Variants in MEI1 observed in about 807,000 individuals in gnomAD.
MEI1 encodes meiosis inhibitor protein 1.
MEI1 carries 103 observed loss-of-function variants against 146.2 expected under a neutral mutation model. That is an observed-to-expected ratio of 0.70 (90% CI 0.60 to 0.83). MEI1 has a LOEUF of 0.83. Among genes scored for constraint, MEI1 ranks in the 40% least tolerant of loss-of-function variants. The pLI is 0.00. For synonymous variants in MEI1, 652 were observed against 628.2 expected, an observed-to-expected ratio of 1.04 and a Z score of -0.57; for missense variants, 1,529 against 1,533.0, an observed-to-expected ratio of 1.00 and a Z score of 0.04.
In MEI1 at chr22:41,731,953, C is replaced by A. The variant is rs140624772; in HGVS notation, c.1097-292C>A. 1.1e-3 allele frequency among the ~76,000 whole-genome samples: 162 copies of A among 152,190 alleles called. 1 individual carries two copies. The highest frequency in any genetic ancestry group is 3.8e-3 in the African/African-American group (158 of 41,520). On this transcript the variant is annotated intron_variant, in intron 9 of 30. Transcript: ENST00000401548. ...TTTGACCTGATTCTCCAAGGAGGAA[C>A]AGGAGTATGCCAAGTGGAGAAAATA...
chr22:41,794,411 G>A lies in MEI1; in HGVS notation c.3468G>A (p.Leu1156=). 6.2e-7 allele frequency: 1 copy of A among 1,613,976 alleles called. No homozygotes were observed. The highest frequency in any genetic ancestry group is 8.5e-7 in the Non-Finnish European group (1 of 1,179,878). Reference sequence around the variant, plus strand: ...CCCAGCCTTGGAATCGGTTTTTGCTGTTTACCCTCTTGGATGCTGGAGAGA... The same window carrying A: ...CCCAGCCTTGGAATCGGTTTTTGCTATTTACCCTCTTGGATGCTGGAGAGA... The part of the protein sequence containing the change: ...VASQPWNRFL[L]FTLLDAGENS... The change falls in exon 28 of 31, where the codon CTG becomes CTA. Residue 1156 remains leucine (L), a synonymous_variant. Transcript: ENST00000401548.
intron 11 of MEI1, among the ~76,000 whole-genome samples, chr22:41,739,255 A>AT (rs1200599583): frequency 2.0e-5 from 3 of 152,074 alleles, no homozygotes; most frequent in Non-Finnish European, 4.4e-5. Context: ...ATTAGCTCAC[A>AT]TTTTTTGTCT....
intron 5 of MEI1, 28 bp downstream of exon 5, chr22:41,716,174 C>T: frequency 6.7e-7 from 1 of 1,499,464 alleles, no homozygotes; most frequent in African/African-American, 1.4e-5. Context: ...GGAGCTGCCA[C>T]TACCCTTTTA....
intron 30 of MEI1, 68 bp from the exon 31 acceptor site, chr22:41,799,186 C>T (rs1263252491): frequency 2.8e-5 from 41 of 1,483,066 alleles, no homozygotes; most frequent in Non-Finnish European, 3.7e-5. Context: ...GTTTTGGGCT[C>T]TGGAAGTGTG....
At chr22:41,786,816 A>G (rs992571543) in intron 26 of MEI1, among the ~76,000 whole-genome samples, 1 of 152,214 alleles carries the variant, frequency 6.6e-6, no homozygotes, top group Non-Finnish European at 1.5e-5. Flanking sequence ...AGCAAGCAAA[A>G]GCATGTCTAC....
At chr22:41,717,995 G>A (rs1406608642) in intron 5 of MEI1, 76 bp from the exon 6 acceptor site, 1 of 1,197,014 alleles carries the variant, frequency 8.4e-7, no homozygotes, top group East Asian at 2.4e-5. Context: ...ACCCCGTTAG[G>A]AATAATAGAT....
In MEI1 at chr22:41,699,590, G is replaced by A. The variant is rs772070193; in HGVS notation, c.52G>A (p.Glu18Lys). The A allele has an allele frequency of 6.2e-6, 10 of 1,612,704 alleles. No individual in the cohort carries two copies. Among genetic ancestry groups the A allele is most frequent in the Admixed American group, 1.7e-5 (1 of 59,976 alleles). The change falls in exon 1 of 31, where the codon GAA becomes AAA. Residue 18 changes from glutamate (E) to lysine (K), a missense_variant. By Grantham distance (56) the Glu-to-Lys change is moderately conservative (BLOSUM62 1). Coordinates refer to ENST00000401548, the MANE Select transcript of MEI1 (RefSeq NM_152513.4). ...GGGCACTCCCGGGCCCAGGAGAGAGGAAGAGGCGGCGCTTCTATTCGAGAG... is the reference window on the plus strand; with the variant it reads ...GGGCACTCCCGGGCCCAGGAGAGAGAAAGAGGCGGCGCTTCTATTCGAGAG... Reference protein sequence around the residue: ...TAGTPGPRREEEAALLFERAH... With the variant: ...TAGTPGPRREKEAALLFERAH...
rs753067092 is a variant in MEI1 at position 41,763,324 on chromosome 22, A to G, written c.2268+3A>G. On this transcript the variant is annotated splice_donor_region_variant and intron_variant, in intron 19 of 30. Transcript: ENST00000401548. ...ACAAAGACAATACACTACGTGAGGT[A>G]TGGACCACAATGCCTGGGCTCCTTG... The G allele has an allele frequency of 2.5e-6, 4 of 1,613,464 alleles. No homozygotes were observed. Among genetic ancestry groups the G allele is most frequent in the Non-Finnish European group, 3.4e-6 (4 of 1,179,646 alleles).
At chr22:41,736,125 A>G (rs1343650709) in intron 11 of MEI1, among the ~76,000 whole-genome samples, 4 of 152,286 alleles carry the variant, frequency 2.6e-5, no homozygotes, top group Middle Eastern at 3.4e-3. Flanking sequence ...GGCTCCGGGC[A>G]TTCCATGACT....
chr22:41,709,494 A>T (rs1459436530), intron 3 of MEI1: 1 of 628,246 alleles, frequency 1.6e-6, no homozygotes, highest in Non-Finnish European at 3.0e-6. Flanking sequence ...GCATGGTGGC[A>T]GCAGCGACGG....
chr22:41,714,143 T>C (rs1012775368), intron 4 of MEI1, 68 bp downstream of exon 4: 1 of 1,432,616 alleles, frequency 7.0e-7, no homozygotes, highest in East Asian at 2.5e-5. Flanking sequence ...GTCAACCCTT[T>C]GAACAAATGA....
At position 41,798,211 on chromosome 22, in the gene MEI1, TTGGA is replaced by T. The variant is rs1265207458; in HGVS notation, c.3780-1039_3780-1036del. Among the ~76,000 whole-genome samples the T allele has an allele frequency of 4.0e-5, 6 of 149,394 alleles. No homozygotes were observed. In the East Asian group the frequency reaches 9.9e-4, roughly 25 times the overall value. ...GTGACTGCCATGTTCTTAAGAAAGC[TTGGA>T]TGGCCAGGTGCACACACACACACAC... On this transcript the variant is annotated intron_variant, in intron 30 of 30. Coordinates refer to ENST00000401548, the MANE Select transcript of MEI1 (RefSeq NM_152513.4).
intron 6 of MEI1, among the ~76,000 whole-genome samples, chr22:41,720,200 G>C (rs79486344): frequency 0.067 from 10,156 of 152,050 alleles, 1,083 homozygotes; most frequent in African/African-American, 0.23. Context: ...TCCTAAATTG[G>C]GGGGGAGAGG....
intron 26 of MEI1, among the ~76,000 whole-genome samples, chr22:41,793,590 C>T (rs2076268179): frequency 6.6e-6 from 1 of 152,362 alleles, no homozygotes; most frequent in South Asian, 2.1e-4. Flanking sequence ...GCGTGAGCCA[C>T]TGTGCCTAGC....
chr22:41,723,884 G>C, intron 6 of MEI1, 59 bp from the exon 7 acceptor site: 1 of 1,544,840 alleles, frequency 6.5e-7, no homozygotes, highest in Non-Finnish European at 8.8e-7. Context: ...GGGCTATCTT[G>C]GGAGTACTCT....
intron 26 of MEI1, among the ~76,000 whole-genome samples, chr22:41,785,058 TC>T (rs2075909921): frequency 6.6e-6 from 1 of 150,896 alleles, no homozygotes; most frequent in Admixed American, 6.6e-5. Flanking sequence ...TGCCTTAGCC[TC>T]CCGGGTAGCT....
intron 6 of MEI1, among the ~76,000 whole-genome samples, chr22:41,720,309 A>G (rs1012246457): frequency 6.6e-6 from 1 of 152,160 alleles, no homozygotes; most frequent in Admixed American, 6.5e-5. Context: ...ATATAGAACA[A>G]AAGGGTGCAA....
At position 41,744,289 on chromosome 22, in the gene MEI1, G is replaced by C. The variant is rs184709045; in HGVS notation, c.1447-684G>C. Among the ~76,000 whole-genome samples, 612 of 152,106 alleles carry C rather than the reference G, an allele frequency of 4.0e-3. 2 individuals carry two copies. Among genetic ancestry groups the C allele is most frequent in the Non-Finnish European group, 4.6e-3 (312 of 68,024 alleles). On this transcript the variant is annotated intron_variant, in intron 12 of 30. Coordinates refer to ENST00000401548, the MANE Select transcript of MEI1 (RefSeq NM_152513.4). ...GGGTTCAAGCAATTCTCCTGCCTCA[G>C]CCTCCCTAGTAGCTGGGACTACAGG... is the stretch of plus-strand genomic sequence containing the variant.
Position 41,704,378 on chromosome 22 carries a change from G to GT in MEI1, c.298+933dup, listed in dbSNP as rs919310413. On this transcript the variant is annotated intron_variant, in intron 2 of 30. Transcript: ENST00000401548. ...TGTCATAGACACCAGAGCACATGGG[G>GT]TTTTTTTTTGCTGTACCGCATTGAC... is the stretch of plus-strand genomic sequence containing the variant. 3.6e-3 allele frequency among the ~76,000 whole-genome samples: 530 copies of GT among 148,306 alleles called. 1 individual carries two copies. The highest frequency in any genetic ancestry group is 6.9e-3 in the East Asian group (35 of 5,050).
Sources: allele counts gnomAD v4.1 joint callset (sites outside exome capture counted in the v4.1 genomes callset), GRCh38; gene constraint gnomAD v4.1.1; transcripts MANE v1.5; gene names NCBI Gene and HGNC (gene_info 2026-07-23, HGNC 2026-07-21).